The following ZBTB2 variants were observed in gnomAD, a reference collection of about 807,000 sequenced individuals.
ZBTB2 encodes the protein zinc finger and BTB domain containing 2.
ZBTB2 carries 2 observed loss-of-function variants against 39.5 expected under a neutral mutation model. The ratio of observed to expected loss-of-function variants is 0.05; its 90% CI spans 0.02 to 0.16. The LOEUF is 0.16. Ranked by LOEUF, ZBTB2 falls within the 10% of genes least tolerant of loss-of-function variation. The pLI is 1.00. For synonymous variants in ZBTB2, 251 were observed against 256.6 expected, an observed-to-expected ratio of 0.98 and a Z score of 0.21; for missense variants, 391 against 653.0, an observed-to-expected ratio of 0.60 and a Z score of 4.37.
intron 1 of ZBTB2, among the ~76,000 whole-genome samples, chr6:151,376,088 A>T (rs1480539340): frequency 1.3e-5 from 2 of 152,204 alleles, no homozygotes; most frequent in East Asian, 3.8e-4. Context: ...AGGAAGAATA[A>T]GCTTTTCAAC....
chr6:151,375,338 T>C (rs1396263807), intron 1 of ZBTB2, among the ~76,000 whole-genome samples: 4 of 152,140 alleles, frequency 2.6e-5, no homozygotes, highest in Admixed American at 6.6e-5. Flanking sequence ...TGTTGAAAAC[T>C]ATAAAACACT....
intron 1 of ZBTB2, among the ~76,000 whole-genome samples, chr6:151,381,972 C>T (rs898321004): frequency 1.3e-5 from 2 of 152,138 alleles, no homozygotes; most frequent in African/African-American, 4.8e-5. Context: ...TGTCATTGTG[C>T]GAACATCCTA....
chr6:151,390,018 G>A (rs965376707), intron 1 of ZBTB2, among the ~76,000 whole-genome samples: 1 of 151,790 alleles, frequency 6.6e-6, no homozygotes, highest in Non-Finnish European at 1.5e-5. Context: ...TTGGAGTCCG[G>A]TTGGGGCGTG....
chr6:151,373,865 A>AAAAAC (rs1554336592), intron 1 of ZBTB2, among the ~76,000 whole-genome samples: 10 of 112,220 alleles, frequency 8.9e-5, no homozygotes, highest in Non-Finnish European at 1.4e-4. Context: ...AAAAAAAAAA[A>AAAAAC]AAAAAAAAAA....
At chr6:151,371,423 C>T (rs953069675) in intron 2 of ZBTB2, among the ~76,000 whole-genome samples, 10 of 152,156 alleles carry the variant, frequency 6.6e-5, no homozygotes, top group Admixed American at 3.3e-4. Flanking sequence ...GAGCCATAAG[C>T]GAGGACGTGG....
At chr6:151,390,115 A>T (rs925926751) in intron 1 of ZBTB2, among the ~76,000 whole-genome samples, 1 of 152,002 alleles carries the variant, frequency 6.6e-6, no homozygotes, top group Non-Finnish European at 1.5e-5. Flanking sequence ...GCAGGCGCAG[A>T]TGGCGCGTCG....
chr6:151,381,724 G>A (rs1020784335), intron 1 of ZBTB2, among the ~76,000 whole-genome samples: 3 of 151,974 alleles, frequency 2.0e-5, no homozygotes, highest in Non-Finnish European at 2.9e-5. Context: ...TTTCACAGAC[G>A]TACTAAAAAC....
intron 1 of ZBTB2, among the ~76,000 whole-genome samples, chr6:151,390,593 G>GCCGGAGACAGCGCGAGAC (rs1779270884): frequency 6.6e-6 from 1 of 151,268 alleles, no homozygotes; most frequent in East Asian, 2.0e-4. Flanking sequence ...GCGCGCGAGA[G>GCCGGAGACAGCGCGAGAC]CCGGAGACAG....
intron 2 of ZBTB2, chr6:151,370,031 C>CA: frequency 1.3e-5 from 12 of 892,018 alleles, no homozygotes; most frequent in Non-Finnish European, 1.6e-5. Context: ...GTCAATCACT[C>CA]AGCTCACTAT....
At chr6:151,381,614 C>T (rs1779036745) in intron 1 of ZBTB2, among the ~76,000 whole-genome samples, 1 of 152,174 alleles carries the variant, frequency 6.6e-6, no homozygotes, top group Admixed American at 6.5e-5. Context: ...AATCCCAGTG[C>T]CGCTGCACCT....
Position 151,373,843 on chromosome 6 carries a change from T to A in ZBTB2, c.-12-194A>T, listed in dbSNP as rs1212607290. On this transcript the variant is annotated intron_variant, in intron 1 of 2. Transcript: ENST00000325144. ...TGAAGTAGTTATGTCATTATGCCTTTAAAAAAAAAAAAAAAAAAAAAAAAA... is the reference window on the plus strand; with the variant it reads ...TGAAGTAGTTATGTCATTATGCCTTAAAAAAAAAAAAAAAAAAAAAAAAAA... 1.3e-4 allele frequency among the ~76,000 whole-genome samples: 6 copies of A among 45,994 alleles called. No homozygotes were observed. The highest frequency in any genetic ancestry group is 1.0e-3 in the South Asian group (1 of 956). The allele number at this position is 45,994 out of a possible 152,430, so 30.2% of individuals were successfully genotyped here. A position where few individuals can be genotyped will look rare whatever the true frequency, so the allele number is the denominator to read the frequency against.
At chr6:151,389,594 C>G (rs1166490833) in intron 1 of ZBTB2, among the ~76,000 whole-genome samples, 2 of 152,162 alleles carry the variant, frequency 1.3e-5, no homozygotes, top group Non-Finnish European at 2.9e-5. Flanking sequence ...TTCTGACCTT[C>G]TTTATGCTTT....
At chr6:151,373,222 A>AG (rs1210379943) in intron 2 of ZBTB2, among the ~76,000 whole-genome samples, 1 of 143,996 alleles carries the variant, frequency 6.9e-6, no homozygotes, top group Non-Finnish European at 1.5e-5. Context: ...CTGACCATGC[A>AG]GGTGACACCC....
intron 1 of ZBTB2, among the ~76,000 whole-genome samples, chr6:151,374,141 A>C (rs1582917549): frequency 6.6e-6 from 1 of 152,198 alleles, no homozygotes; most frequent in Non-Finnish European, 1.5e-5. Flanking sequence ...TAGATAAATT[A>C]AGGTGTTGGG....
intron 1 of ZBTB2, among the ~76,000 whole-genome samples, chr6:151,391,114 C>A (rs1051285880): frequency 2.0e-5 from 3 of 150,414 alleles, no homozygotes; most frequent in Non-Finnish European, 4.4e-5. Context: ...GACTCGCCGC[C>A]GCCTGGCTCC....
intron 1 of ZBTB2, among the ~76,000 whole-genome samples, chr6:151,377,757 A>G (rs977691664): frequency 1.3e-5 from 2 of 151,814 alleles, no homozygotes; most frequent in Non-Finnish European, 1.5e-5. Flanking sequence ...GACAGTCTTG[A>G]TCTCCTGACC....
intron 1 of ZBTB2, among the ~76,000 whole-genome samples, chr6:151,378,289 C>T (rs147866993): frequency 2.2e-4 from 33 of 152,268 alleles, no homozygotes; most frequent in African/African-American, 7.5e-4. Flanking sequence ...TTTTCTGCCA[C>T]GAGTCATATC....
intron 1 of ZBTB2, among the ~76,000 whole-genome samples, chr6:151,375,724 CT>C (rs1778892534): frequency 6.6e-6 from 1 of 152,080 alleles, no homozygotes; most frequent in Non-Finnish European, 1.5e-5. Flanking sequence ...ACCACCAAAC[CT>C]GGCTAAGTTT....
chr6:151,388,534 TTTC>T (rs1779213132), intron 1 of ZBTB2, among the ~76,000 whole-genome samples: 1 of 152,170 alleles, frequency 6.6e-6, no homozygotes, highest in Non-Finnish European at 1.5e-5. Flanking sequence ...GTGAATACAT[TTTC>T]TTTTCTTTTT....
Sources: gnomAD v4.1 joint callset for allele counts (sites outside exome capture counted in the v4.1 genomes callset) on GRCh38, gnomAD v4.1.1 for gene constraint, MANE v1.5 for transcripts, NCBI Gene and HGNC (gene_info 2026-07-23, HGNC 2026-07-21) for gene names.